Variants in PALLD observed in about 807,000 individuals in gnomAD.
The protein encoded by PALLD is palladin, cytoskeletal associated protein, also known as palladin.
PALLD carries 61 observed loss-of-function variants against 123.5 expected under a neutral mutation model. The ratio of observed to expected loss-of-function variants is 0.49; its 90% confidence interval spans 0.40 to 0.61. The LOEUF (loss-of-function observed/expected upper bound fraction) is 0.61, where lower values mean the gene tolerates loss of function less well. Ranked by LOEUF, PALLD falls within the 20% of genes least tolerant of loss-of-function variation. The pLI is 0.00. For synonymous variants in PALLD, 465 were observed against 496.4 expected (o/e 0.94, Z 0.84); for missense variants, 1,273 against 1,377.0 (o/e 0.92, Z 1.20).
At chr4:168,802,352 G>C (rs1478171955) in intron 10 of PALLD, among the ~76,000 whole-genome samples, 1 of 152,144 alleles carries the variant, frequency 6.6e-6, no homozygotes, top group African/African-American at 2.4e-5. Flanking sequence ...CCCAGGATTG[G>C]ATAAAGAAAA....
intron 2 of PALLD, among the ~76,000 whole-genome samples, chr4:168,588,779 C>T (rs1771105035): frequency 6.6e-6 from 1 of 152,026 alleles, no homozygotes; most frequent in Non-Finnish European, 1.5e-5. Context: ...TTAAAATGTT[C>T]TAAATGTACA....
intron 10 of PALLD, among the ~76,000 whole-genome samples, chr4:168,880,964 G>C (rs1162282483): frequency 6.6e-6 from 1 of 152,108 alleles, no homozygotes. Flanking sequence ...CTGGAATGCA[G>C]TGGTGCAATT....
intron 10 of PALLD, among the ~76,000 whole-genome samples, chr4:168,841,106 C>T (rs937487650): frequency 2.6e-5 from 4 of 152,154 alleles, no homozygotes; most frequent in Admixed American, 2.6e-4. Flanking sequence ...GCCTCGGTCT[C>T]CCAAAGTGCT....
At chr4:168,792,461 C>T (rs1425113012) in intron 10 of PALLD, among the ~76,000 whole-genome samples, 2 of 152,102 alleles carry the variant, frequency 1.3e-5, no homozygotes, top group East Asian at 3.9e-4. Flanking sequence ...CTGAGTCTCT[C>T]TATGACTCTT....
intron 2 of PALLD, among the ~76,000 whole-genome samples, chr4:168,518,294 C>T (rs1476411466): frequency 2.0e-5 from 3 of 152,216 alleles, no homozygotes; most frequent in Non-Finnish European, 4.4e-5. Flanking sequence ...GCATTACCTT[C>T]CAACCCATCT....
chr4:168,769,637 C>T (rs1734131793), intron 10 of PALLD, among the ~76,000 whole-genome samples: 1 of 152,156 alleles, frequency 6.6e-6, no homozygotes, highest in African/African-American at 2.4e-5. Flanking sequence ...TGAAAGGAAA[C>T]CTTTTAAGTC....
At chr4:168,657,482 A>G (rs752829154) in intron 2 of PALLD, among the ~76,000 whole-genome samples, 11 of 152,338 alleles carry the variant, frequency 7.2e-5, no homozygotes, top group East Asian at 5.8e-4. Context: ...TAGTTGATCT[A>G]TGGACCAGGC....
intron 5 of PALLD, among the ~76,000 whole-genome samples, chr4:168,684,583 A>G (rs957718224): frequency 2.0e-5 from 3 of 152,230 alleles, no homozygotes; most frequent in Non-Finnish European, 4.4e-5. Context: ...TAATCTTCAT[A>G]TGACACTTGG....
intron 2 of PALLD, among the ~76,000 whole-genome samples, chr4:168,574,038 C>T (rs1007287457): frequency 1.3e-5 from 2 of 151,220 alleles, no homozygotes; most frequent in African/African-American, 2.4e-5. Context: ...TTGGTATTGT[C>T]GTGGTGCTTA....
Position 168,711,892 on chromosome 4 carries a change from G to A in PALLD, c.1933G>A (p.Glu645Lys), listed in dbSNP as rs772888328. ...AGCTGTCCTGCTTTCACCCACTAAG[G>A]AGCCACCACCTCTGCTTGCCAAACC... ...TPAVLLSPTK[E>K]PPPLLAKPKL... The change falls in exon 10 of 22, where the codon GAG becomes AAG. Residue 645 changes from glutamate (E) to lysine (K), a missense_variant. Coordinates refer to ENST00000505667, the MANE Select transcript of PALLD (RefSeq NM_001166108.2). The A allele has an allele frequency of 4.3e-6, 7 of 1,614,012 alleles. No homozygotes were observed. The highest frequency in any genetic ancestry group is 5.9e-6 in the Non-Finnish European group (7 of 1,179,998).
At chr4:168,677,523 G>C (rs1250451075) in intron 3 of PALLD, among the ~76,000 whole-genome samples, 1 of 152,048 alleles carries the variant, frequency 6.6e-6, no homozygotes, top group Non-Finnish European at 1.5e-5. Flanking sequence ...GTTTTTTAAT[G>C]ATTGAAACAT....
At chr4:168,725,824 C>A (rs1478062211) in intron 10 of PALLD, among the ~76,000 whole-genome samples, 5 of 152,200 alleles carry the variant, frequency 3.3e-5, no homozygotes, top group South Asian at 2.1e-4. Context: ...CCACACCCAG[C>A]CTGTTCTCTT....
chr4:168,731,333 T>C (rs775663585), intron 10 of PALLD, among the ~76,000 whole-genome samples: 3 of 152,216 alleles, frequency 2.0e-5, no homozygotes, highest in Non-Finnish European at 4.4e-5. Flanking sequence ...CAGCTTGTTT[T>C]TGAAGATGAT....
chr4:168,808,176 A>C (rs1740513452), intron 10 of PALLD, among the ~76,000 whole-genome samples: 1 of 151,296 alleles, frequency 6.6e-6, no homozygotes, highest in Non-Finnish European at 1.5e-5. Flanking sequence ...AAAATATATT[A>C]ATATATATAA....
chr4:168,575,777 C>A (rs1335960447), intron 2 of PALLD, among the ~76,000 whole-genome samples: 1 of 152,060 alleles, frequency 6.6e-6, no homozygotes, highest in African/African-American at 2.4e-5. Context: ...TGAGATTCTG[C>A]ATTCTAAGAA....
At chr4:168,561,179 A>C (rs755416188) in intron 2 of PALLD, among the ~76,000 whole-genome samples, 4 of 152,016 alleles carry the variant, frequency 2.6e-5, no homozygotes, top group African/African-American at 9.7e-5. Context: ...AATCACCACC[A>C]AGACCCCTTC....
At chr4:168,842,865 A>G (rs1469604405) in intron 10 of PALLD, among the ~76,000 whole-genome samples, 1 of 152,246 alleles carries the variant, frequency 6.6e-6, no homozygotes, top group Non-Finnish European at 1.5e-5. Flanking sequence ...AATCTCAGAC[A>G]TCAGTAAGGG....
At chr4:168,877,493 T>A (rs182836708) in intron 10 of PALLD, among the ~76,000 whole-genome samples, 6 of 152,258 alleles carry the variant, frequency 3.9e-5, no homozygotes, top group Admixed American at 6.5e-5. Context: ...GATCACCTTA[T>A]GTGAAACTTA....
At chr4:168,700,057 A>G in intron 8 of PALLD, 1 of 335,026 alleles carries the variant, frequency 3.0e-6, no homozygotes, top group Non-Finnish European at 6.0e-6. Flanking sequence ...ATGCCACCAG[A>G]TGAAAATTCA....
Sources: allele counts gnomAD v4.1 joint callset (sites outside exome capture counted in the v4.1 genomes callset), GRCh38; gene constraint gnomAD v4.1.1; transcripts MANE v1.5; gene names NCBI Gene and HGNC (gene_info 2026-07-23, HGNC 2026-07-21).